GNB5: variants seen among roughly 807,000 people sequenced by gnomAD.
GNB5 encodes guanine nucleotide-binding protein subunit beta-5.
GNB5 carries 37 observed loss-of-function variants against 55.3 expected under a neutral mutation model. The ratio of observed to expected loss-of-function variants is 0.67; its 90% CI spans 0.51 to 0.88. The LOEUF is 0.88. GNB5 is among the 40% of genes least tolerant of loss of function. The probability of loss-of-function intolerance (pLI) is 0.00; values close to 1 mark genes in which losing one functional copy is unlikely to be tolerated. For synonymous variants in GNB5, 219 were observed against 198.5 expected (o/e 1.10, Z -0.87); for missense variants, 476 against 515.3 (o/e 0.92, Z 0.74).
intron 1 of GNB5, among the ~76,000 whole-genome samples, chr15:52,185,267 A>G (rs1203914797): frequency 6.6e-6 from 1 of 152,262 alleles, no homozygotes; most frequent in Admixed American, 6.5e-5. Flanking sequence ...AGGCAGCACA[A>G]GCATCTAGTG....
Position 52,136,113 on chromosome 15 carries a change from AACACACACACACACACACAC to A in GNB5, c.628-377_628-358del, listed in dbSNP as rs751263225. On this transcript the variant is annotated intron_variant, in intron 7 of 12. Transcript: ENST00000261837. ...CACACACACACAGGGAAAAGCAGAA[AACACACACACACACACACAC>A]ACACACACACACACACACACACACA... 5.5e-3 allele frequency among the ~76,000 whole-genome samples: 277 copies of A among 50,732 alleles called. 2 individuals carry two copies. The highest frequency in any genetic ancestry group is 9.9e-3 in the African/African-American group (81 of 8,220). The allele number at this position is 50,732 out of a possible 152,430, so 33.3% of individuals were successfully genotyped here. A position where few individuals can be genotyped will look rare whatever the true frequency, so the allele number is the denominator to read the frequency against.
rs570879593 is a variant in GNB5 at position 52,120,968 on chromosome 15, T to A, written c.*1789A>T. The stretch of plus-strand genomic sequence containing the variant: ...ATTATTATGTTTATTTGAAGTGAGA[T>A]GATGGAAAAGATGGCCTGGCTGATT... On this transcript the variant is annotated 3_prime_UTR_variant, in exon 13 of 13. Transcript: ENST00000261837. 2 of 152,360 alleles carry A rather than the reference T, an allele frequency of 1.3e-5. No homozygotes were observed. The highest frequency in any genetic ancestry group is 4.8e-5 in the African/African-American group (2 of 41,584). The allele number at this position is 152,360 out of a possible 1,614,324, so 9.4% of individuals were successfully genotyped here. A position where few individuals can be genotyped will look rare whatever the true frequency, so the allele number is the denominator to read the frequency against.
intron 10 of GNB5, among the ~76,000 whole-genome samples, chr15:52,127,152 G>T (rs1320214117): frequency 1.3e-5 from 2 of 152,190 alleles, no homozygotes; most frequent in Non-Finnish European, 2.9e-5. Flanking sequence ...CTCTAGGAGG[G>T]TGGTGCCAAC....
Position 52,128,954 on chromosome 15 carries a change from CTTT to C in GNB5, c.864-713_864-711del, listed in dbSNP as rs536792407. ...TTCCCCACACCTTCCATTGTTTCTC[CTTT>C]TTTTTTTTTTTTTTTTGAGACTGAG... On this transcript the variant is annotated intron_variant, in intron 9 of 12. Transcript: ENST00000261837. 9.7e-3 allele frequency among the ~76,000 whole-genome samples: 1,238 copies of C among 127,014 alleles called. 21 individuals carry two copies. The highest frequency in any genetic ancestry group is 0.036 in the African/African-American group (1,163 of 32,032). 83.3% of individuals were successfully genotyped at this position (127,014 alleles called of 152,430 possible).
chr15:52,139,820 T>TG (rs2033810065), intron 7 of GNB5: 2 of 1,260,068 alleles, frequency 1.6e-6, no homozygotes, highest in Non-Finnish European at 2.1e-6. Flanking sequence ...CACCTACTGG[T>TG]GCCCCCTTTC....
rs1038078882 is a variant in GNB5, at chr15:52,117,734, C to T, written c.*5023G>A. 4 of 152,378 alleles carry T rather than the reference C, an allele frequency of 2.6e-5. No individual in the cohort carries two copies. The highest frequency in any genetic ancestry group is 7.2e-5 in the African/African-American group (3 of 41,480). 9.4% of individuals were successfully genotyped at this position (152,378 alleles called of 1,614,324 possible). On this transcript the variant is annotated 3_prime_UTR_variant, in exon 13 of 13. Coordinates refer to ENST00000261837, the MANE Select transcript of GNB5 (RefSeq NM_016194.4). ...AGGGCAAGTGGTTTAGCATGGCAAT[C>T]CTTACAAAGGATCCACAGAGACAAG...
chr15:52,137,249 A>G, intron 7 of GNB5: 7 of 1,156,554 alleles, frequency 6.1e-6, no homozygotes, highest in Non-Finnish European at 6.5e-6. Flanking sequence ...TGACATCACC[A>G]GTAGACAAGG....
At position 52,128,555 on chromosome 15, in the gene GNB5, G is replaced by A. The variant is rs371922322; in HGVS notation, c.864-311C>T. ...TATCTAATTCCTAAGACTTGGCCCA[G>A]AGCTCAGGGATAAGAAAGTGGTTAT... On this transcript the variant is annotated intron_variant, in intron 9 of 12. Transcript: ENST00000261837. The A allele has an allele frequency of 5.2e-6, 3 of 581,310 alleles. No homozygotes were observed. The African/African-American group carries it at 5.5e-5, about 11-fold the overall frequency. 36.0% of individuals were successfully genotyped at this position (581,310 alleles called of 1,614,324 possible). A position where few individuals can be genotyped will look rare whatever the true frequency, so the allele number is the denominator to read the frequency against.
Position 52,118,713 on chromosome 15 carries a change from A to T in GNB5, c.*4044T>A, listed in dbSNP as rs2033192140. On this transcript the variant is annotated 3_prime_UTR_variant, in exon 13 of 13. Coordinates refer to ENST00000261837, the MANE Select transcript of GNB5 (RefSeq NM_016194.4). ...GAGAAACCTGGTCTCTACTAAAAATACAAAATTAGCCGGGCGTGGTGGTGC... is the reference window on the plus strand; with the variant it reads ...GAGAAACCTGGTCTCTACTAAAAATTCAAAATTAGCCGGGCGTGGTGGTGC... 1.3e-5 allele frequency: 2 copies of T among 152,004 alleles called. No homozygotes were observed. The highest frequency in any genetic ancestry group is 4.2e-4 in the South Asian group (2 of 4,814). The allele number at this position is 152,004 out of a possible 1,614,324, so 9.4% of individuals were successfully genotyped here. A position where few individuals can be genotyped will look rare whatever the true frequency, so the allele number is the denominator to read the frequency against.
At chr15:52,157,306 G>T (rs886754076) in intron 3 of GNB5, among the ~76,000 whole-genome samples, 2 of 150,316 alleles carry the variant, frequency 1.3e-5, no homozygotes, top group Non-Finnish European at 3.0e-5. Context: ...GAGTGCAGTG[G>T]TGCCATCTTG....
rs559730480 is a variant in GNB5 at position 52,119,287 on chromosome 15, T to C, written c.*3470A>G. On this transcript the variant is annotated 3_prime_UTR_variant, in exon 13 of 13. Coordinates refer to ENST00000261837, the MANE Select transcript of GNB5 (RefSeq NM_016194.4). ...GAGATAGGAAGGAGAGAGGAGGCGA[T>C]GGGAGGGAGGGAGGAGGTGATGAGA... The C allele has an allele frequency of 1.3e-3, 51 of 39,974 alleles. 4 individuals are homozygous for C. The South Asian group carries it at 0.062, about 49-fold the overall frequency. 2.5% of individuals were successfully genotyped at this position (39,974 alleles called of 1,614,324 possible).
At chr15:52,164,079 G>A (rs1158737593) in intron 3 of GNB5, among the ~76,000 whole-genome samples, 1 of 152,200 alleles carries the variant, frequency 6.6e-6, no homozygotes, top group East Asian at 1.9e-4. Flanking sequence ...CGAGGCAAGA[G>A]GATCACGAGG....
At position 52,141,270 on chromosome 15, in the gene GNB5, C is replaced by T; in HGVS notation, c.497G>A (p.Gly166Asp). The change falls in exon 7 of 13, where the codon GGT (glycine) becomes GAT (aspartate). Residue 166 changes from glycine to aspartate, a missense_variant and splice_region_variant. Physicochemically the swap from Gly to Asp is moderately conservative, Grantham distance 94 (BLOSUM62 -1). Coordinates refer to ENST00000261837, the MANE Select transcript of GNB5 (RefSeq NM_016194.4). The stretch of plus-strand genomic sequence containing the variant: ...GTACACAGAACACTTATTATCCAAA[C>T]CACTAGGATGGAAAGAAAGAAGTAC... The part of the protein sequence containing the change: ...APSGCAIACG[G>D]LDNKCSVYPL... 6.2e-7 allele frequency: 1 copy of T among 1,613,466 alleles called. No individual in the cohort carries two copies. Among genetic ancestry groups the T allele is most frequent in the Non-Finnish European group, 8.5e-7 (1 of 1,179,426 alleles).
chr15:52,148,901 G>A (rs1279449138), intron 5 of GNB5, among the ~76,000 whole-genome samples: 1 of 152,228 alleles, frequency 6.6e-6, no homozygotes, highest in African/African-American at 2.4e-5. Flanking sequence ...CGGGCCACAA[G>A]TGGCACCCTC....
intron 3 of GNB5, among the ~76,000 whole-genome samples, chr15:52,161,357 G>A (rs1403436367): frequency 6.6e-6 from 1 of 152,164 alleles, no homozygotes; most frequent in East Asian, 1.9e-4. Context: ...GAGTGCAGTG[G>A]CGTGATCTTG....
chr15:52,136,300 C>T (rs1218714401), intron 7 of GNB5, among the ~76,000 whole-genome samples: 1 of 152,204 alleles, frequency 6.6e-6, no homozygotes, highest in East Asian at 1.9e-4. Flanking sequence ...GAGCTGAAAT[C>T]CTGGCGGCCT....
chr15:52,170,848 G>A (rs2034541113), intron 3 of GNB5, among the ~76,000 whole-genome samples: 2 of 152,158 alleles, frequency 1.3e-5, no homozygotes, highest in South Asian at 2.1e-4. Flanking sequence ...GCTCATGCCT[G>A]TAATCCCAGC....
At chr15:52,167,065 T>C (rs2034465071) in intron 3 of GNB5, among the ~76,000 whole-genome samples, 1 of 152,096 alleles carries the variant, frequency 6.6e-6, no homozygotes, top group African/African-American at 2.4e-5. Flanking sequence ...GCACATAAAC[T>C]AGAAAATCTA....
intron 3 of GNB5, among the ~76,000 whole-genome samples, chr15:52,163,661 G>A (rs1596092642): frequency 2.0e-5 from 3 of 152,302 alleles, no homozygotes; most frequent in African/African-American, 7.2e-5. Context: ...TGGATGCTCT[G>A]GAGAGTCTGG....
Sources: allele counts gnomAD v4.1 joint callset (sites outside exome capture counted in the v4.1 genomes callset), GRCh38; gene constraint gnomAD v4.1.1; transcripts MANE v1.5; gene names NCBI Gene and HGNC (gene_info 2026-07-23, HGNC 2026-07-21).